The following ZBTB25 variants were observed in gnomAD, a reference collection of about 807,000 sequenced individuals.
The protein encoded by ZBTB25 is zinc finger and BTB domain containing 25.
ZBTB25 carries 20 observed loss-of-function variants against 34.2 expected under a neutral mutation model. The observed-to-expected ratio is 0.58, with a 90% CI of 0.41 to 0.85. The LOEUF (loss-of-function observed/expected upper bound fraction) is 0.85, where lower values mean the gene tolerates loss of function less well. ZBTB25 is among the 40% of genes least tolerant of loss of function. The probability of loss-of-function intolerance (pLI) is 0.00; values close to 1 mark genes in which losing one functional copy is unlikely to be tolerated. For missense variants in ZBTB25, 437 were observed against 521.8 expected, an observed-to-expected ratio of 0.84 and a Z score of 1.58; for synonymous variants, 175 against 186.4, an observed-to-expected ratio of 0.94 and a Z score of 0.50.
Position 64,454,003 on chromosome 14 carries a change from T to C in ZBTB25, c.174-4365A>G. 4.3e-6 allele frequency: 3 copies of C among 696,460 alleles called. No individual in the cohort carries two copies. In the South Asian group the frequency reaches 4.5e-5, roughly 11 times the overall value. 43.1% of individuals were successfully genotyped at this position (696,460 alleles called of 1,614,324 possible). On this transcript the variant is annotated intron_variant, in intron 2 of 2. Coordinates refer to the ZBTB25 transcript ENST00000555220. ...CCTTCTCTCCTCTGAAATACTGAGT[T>C]TGGATTAGGTGGCACAGTCCCTGGT...
At position 64,480,322 on chromosome 14, in the gene ZBTB25, C is replaced by CAAAAAAA. The variant is rs745930738; in HGVS notation, c.*6594_*6600dup. 7.5e-4 allele frequency: 156 copies of CAAAAAAA among 207,234 alleles called. No homozygotes were observed. Among genetic ancestry groups the CAAAAAAA allele is most frequent in the South Asian group, 1.3e-3 (39 of 31,070 alleles). 12.8% of individuals were successfully genotyped at this position (207,234 alleles called of 1,614,324 possible). On this transcript the variant is annotated 3_prime_UTR_variant, in exon 3 of 3. Coordinates refer to ENST00000608382, the MANE Select transcript of ZBTB25 (RefSeq NM_006977.5). Reference sequence around the variant, plus strand: ...TGGGCAACAGAGCAAGACTCCATCTCAAAAAAAAAAAAAAAAAAAAAAAAG... The same window carrying CAAAAAAA: ...TGGGCAACAGAGCAAGACTCCATCTCAAAAAAAAAAAAAAAAAAAAAAAAAAAAAAAG...
At chr14:64,464,171 A>AAAAGGTGTGAGCT in intron 2 of ZBTB25, among the ~76,000 whole-genome samples, 1 of 151,400 alleles carries the variant, frequency 6.6e-6, no homozygotes, top group South Asian at 2.1e-4. Flanking sequence ...GCTCCTGAGT[A>AAAAGGTGTGAGCT]ACTGGGACCA....
intron 2 of ZBTB25, among the ~76,000 whole-genome samples, chr14:64,464,816 A>C (rs2078592942): frequency 6.6e-6 from 1 of 152,164 alleles, no homozygotes; most frequent in African/African-American, 2.4e-5. Flanking sequence ...AGATGGATGG[A>C]GCTGGGTTCC....
At chr14:64,476,922 T>C (rs1282046829), downstream of ZBTB25, among the ~76,000 whole-genome samples, 1 of 152,194 alleles carries the variant, frequency 6.6e-6, no homozygotes, top group African/African-American at 2.4e-5. Context: ...TTCATCAAAC[T>C]CTAAGACTTA....
chr14:64,476,722 G>A (rs983536570), downstream of ZBTB25, among the ~76,000 whole-genome samples: 1 of 150,366 alleles, frequency 6.7e-6, no homozygotes, highest in African/African-American at 2.4e-5. Flanking sequence ...AATTGGTCAC[G>A]ACTCAATTCA....
At position 64,487,873 on chromosome 14, in the gene ZBTB25, G is replaced by A; in HGVS notation, c.358C>T (p.Pro120Ser). 6.2e-7 allele frequency: 1 copy of A among 1,614,152 alleles called. No individual in the cohort carries two copies. Among genetic ancestry groups the A allele is most frequent in the Non-Finnish European group, 8.5e-7 (1 of 1,180,038 alleles). ...AAATTTGAGGACTGCACAGTCTCTG[G>A]TGAGAACACTTGATTCATTTCAGTT... is the stretch of plus-strand genomic sequence containing the variant. ...IATEMNQVFS[P>S]ETVQSSNLYG... Residue 120 changes from proline to serine, a missense_variant, in exon 3 of 3, where the codon CCA becomes TCA. Transcript: ENST00000608382.
chr14:64,499,566 CA>C (rs1317692809), intron 1 of ZBTB25: 39 of 97,956 alleles, frequency 4.0e-4, no homozygotes, highest in Middle Eastern at 6.0e-3. Context: ...AACTCCATCT[CA>C]AAAAAAAAAA....
At chr14:64,493,775 G>A (rs1226586237) in intron 1 of ZBTB25, among the ~76,000 whole-genome samples, 2 of 151,918 alleles carry the variant, frequency 1.3e-5, no homozygotes, top group Non-Finnish European at 2.9e-5. Context: ...TTGATATAAA[G>A]GCAGAGTCCC....
downstream of ZBTB25, among the ~76,000 whole-genome samples, chr14:64,476,721 C>T (rs897914523): frequency 2.0e-5 from 3 of 150,324 alleles, no homozygotes; most frequent in Admixed American, 1.3e-4. Flanking sequence ...CAATTGGTCA[C>T]GACTCAATTC....
chr14:64,462,896 A>G (rs912746828), intron 2 of ZBTB25: 1 of 152,198 alleles, frequency 6.6e-6, no homozygotes, highest in Non-Finnish European at 1.5e-5. Flanking sequence ...ACAAGGAGTT[A>G]TAAGTCATTT....
intron 1 of ZBTB25, among the ~76,000 whole-genome samples, chr14:64,491,923 A>T (rs74854380): frequency 4.2e-4 from 64 of 152,244 alleles, no homozygotes; most frequent in African/African-American, 1.5e-3. Flanking sequence ...GATCAGTAAT[A>T]TAATAAATAT....
At chr14:64,474,238 TTAAA>T (rs996582105), downstream of ZBTB25, 3 of 167,100 alleles carry the variant, frequency 1.8e-5, no homozygotes, top group Non-Finnish European at 4.4e-5. Context: ...TGTTCCGTTT[TTAAA>T]TAAACAGTAT....
downstream of ZBTB25, among the ~76,000 whole-genome samples, chr14:64,474,955 C>CA (rs2078706129): frequency 6.6e-6 from 1 of 152,180 alleles, no homozygotes; most frequent in Non-Finnish European, 1.5e-5. Context: ...AACACTCTAT[C>CA]TTTTCGTAAC....
chr14:64,449,680 T>A, intron 2 of ZBTB25: 1 of 1,578,702 alleles, frequency 6.3e-7, no homozygotes, highest in Non-Finnish European at 8.6e-7. Flanking sequence ...CAGTGAAGTT[T>A]CTGTGTGGCT....
chr14:64,454,929 T>G, intron 2 of ZBTB25: 1 of 1,589,572 alleles, frequency 6.3e-7, no homozygotes, highest in South Asian at 1.1e-5. Context: ...TCGTCTGAAG[T>G]GTGTTGCCGA....
At chr14:64,490,740 T>C (rs1221726510) in intron 1 of ZBTB25, among the ~76,000 whole-genome samples, 200 bp from the exon 2 acceptor site, 1 of 152,210 alleles carries the variant, frequency 6.6e-6, no homozygotes, top group Non-Finnish European at 1.5e-5. Flanking sequence ...TTATGACAAC[T>C]GATATAAACT....
At chr14:64,488,440 C>A (rs1596617874) in intron 2 of ZBTB25, among the ~76,000 whole-genome samples, 1 of 151,978 alleles carries the variant, frequency 6.6e-6, no homozygotes, top group East Asian at 1.9e-4. Flanking sequence ...GAACTAAAAA[C>A]AGGGACTCAA....
intron 2 of ZBTB25, among the ~76,000 whole-genome samples, chr14:64,452,278 A>G (rs1175512665): frequency 1.3e-5 from 2 of 152,238 alleles, no homozygotes; most frequent in Non-Finnish European, 2.9e-5. Flanking sequence ...CTGGGCAACA[A>G]GTGCAAAACT....
In ZBTB25 at chr14:64,487,220, T is replaced by C; in HGVS notation, c.1011A>G (p.Leu337=). 6.2e-7 allele frequency: 1 copy of C among 1,614,224 alleles called. No individual in the cohort carries two copies. Among genetic ancestry groups the C allele is most frequent in the Non-Finnish European group, 8.5e-7 (1 of 1,180,050 alleles). The change falls in exon 3 of 3, where the codon TTA becomes TTG. Residue 337 remains leucine (L), a synonymous_variant. Coordinates refer to ENST00000608382, the MANE Select transcript of ZBTB25 (RefSeq NM_006977.5). ...LISKDTEPVE[L]NCNFSFSRKR... ...TCCTTGAAAAAGAAAAATTACAGTT[T>C]AATTCTACTGGCTCTGTGTCTTTGG... is the stretch of plus-strand genomic sequence containing the variant.
Sources: allele counts gnomAD v4.1 joint callset (sites outside exome capture counted in the v4.1 genomes callset), GRCh38; gene constraint gnomAD v4.1.1; transcripts MANE v1.5; gene names NCBI Gene and HGNC (gene_info 2026-07-23, HGNC 2026-07-21).